Variants in CSTF3 observed in about 807,000 individuals in gnomAD.
The protein encoded by CSTF3 is CF-1 77 kDa subunit.
In CSTF3, 29 loss-of-function variants were observed where a neutral mutation model predicts 105.8. That is an observed-to-expected ratio of 0.27 (90% CI 0.20 to 0.37). The LOEUF (loss-of-function observed/expected upper bound fraction) is 0.37, where lower values mean the gene tolerates loss of function less well. CSTF3 is among the 10% of genes least tolerant of loss of function. The pLI, the probability that CSTF3 is intolerant of heterozygous loss-of-function variation, is 1.00. For missense variants in CSTF3, 357 were observed against 879.3 expected, an observed-to-expected ratio of 0.41 and a Z score of 7.51; for synonymous variants, 252 against 281.9, an observed-to-expected ratio of 0.89 and a Z score of 1.06.
intron 1 of CSTF3, among the ~76,000 whole-genome samples, chr11:33,160,695 A>G (rs1349835425): frequency 1.3e-5 from 2 of 152,234 alleles, no homozygotes; most frequent in South Asian, 2.1e-4. Flanking sequence ...AGTGGCCAAA[A>G]CAGACTTCTC....
At chr11:33,095,835 T>TA (rs1303413390) in intron 15 of CSTF3, among the ~76,000 whole-genome samples, 1 of 150,178 alleles carries the variant, frequency 6.7e-6, no homozygotes, top group Non-Finnish European at 1.5e-5. Flanking sequence ...AATAAATAAA[T>TA]AAATAAATAA....
chr11:33,159,933 A>G (rs1849918194), intron 1 of CSTF3, among the ~76,000 whole-genome samples: 1 of 151,932 alleles, frequency 6.6e-6, no homozygotes, highest in African/African-American at 2.4e-5. Flanking sequence ...TTTTCTATAA[A>G]TTTTCACCAC....
chr11:33,123,881 T>C (rs1855518060), intron 3 of CSTF3, among the ~76,000 whole-genome samples: 1 of 152,056 alleles, frequency 6.6e-6, no homozygotes, highest in South Asian at 2.1e-4. Context: ...TTGAACCTTA[T>C]TTTAATATAT....
At chr11:33,095,794 C>G (rs1038701700) in intron 15 of CSTF3, among the ~76,000 whole-genome samples, 26 of 146,312 alleles carry the variant, frequency 1.8e-4, no homozygotes, top group African/African-American at 4.9e-4. Flanking sequence ...TGCACTCCAG[C>G]CTGGGCGACA....
intron 3 of CSTF3, 24 bp from the exon 4 acceptor site, chr11:33,108,442 G>A (rs1565006929): frequency 1.4e-6 from 2 of 1,433,580 alleles, no homozygotes; most frequent in East Asian, 2.7e-5. Context: ...GAAAAATATA[G>A]AATTAATACT....
rs116840355 is a variant in CSTF3 at position 33,153,384 on chromosome 11, C to A, written c.27+7915G>T. 6.1e-3 allele frequency among the ~76,000 whole-genome samples: 933 copies of A among 152,266 alleles called. 5 individuals are homozygous for A. The highest frequency in any genetic ancestry group is 0.02 in the African/African-American group (829 of 41,552). The stretch of plus-strand genomic sequence containing the variant: ...CTTTATTGAAACTCCTAACCACTTT[C>A]TTTCTATATGAGCTCATAACTTTTA... On this transcript the variant is annotated intron_variant, in intron 1 of 20. Coordinates refer to ENST00000323959, the MANE Select transcript of CSTF3 (RefSeq NM_001326.3).
intron 3 of CSTF3, among the ~76,000 whole-genome samples, chr11:33,140,657 T>C (rs964597248): frequency 1.3e-5 from 2 of 152,078 alleles, no homozygotes; most frequent in African/African-American, 4.8e-5. Flanking sequence ...GCCCTTTGAA[T>C]AGGTCCAAAA....
At chr11:33,112,438 G>T (rs1387497307) in intron 3 of CSTF3, among the ~76,000 whole-genome samples, 2 of 151,998 alleles carry the variant, frequency 1.3e-5, no homozygotes, top group African/African-American at 4.8e-5. Flanking sequence ...AGAATATAAA[G>T]CATCTAGATG....
At chr11:33,150,235 A>AG (rs1441376215) in intron 1 of CSTF3, among the ~76,000 whole-genome samples, 52 of 106,450 alleles carry the variant, frequency 4.9e-4, no homozygotes, top group African/African-American at 1.1e-3. Context: ...AAAAAAAAAA[A>AG]AAAAGAAAAG....
intron 8 of CSTF3, among the ~76,000 whole-genome samples, chr11:33,104,468 T>G (rs1214246725): frequency 6.6e-6 from 1 of 152,202 alleles, no homozygotes; most frequent in African/African-American, 2.4e-5. Flanking sequence ...CTACATTTTT[T>G]GTTTTGGAAA....
rs577462323 is a variant in CSTF3 at position 33,095,452 on chromosome 11, A to G, written c.1375+854T>C. Among the ~76,000 whole-genome samples, 8 of 152,326 alleles carry G rather than the reference A, an allele frequency of 5.3e-5. 1 individual carries two copies. In the South Asian group the frequency reaches 1.7e-3, roughly 32 times the overall value. On this transcript the variant is annotated intron_variant, in intron 15 of 20. Transcript: ENST00000323959. Reference sequence around the variant, plus strand: ...TAGACTAAATGATATACATATATGAATTATCTAGCACAGTGCCTGGTAGGA... The same window carrying G: ...TAGACTAAATGATATACATATATGAGTTATCTAGCACAGTGCCTGGTAGGA...
chr11:33,113,034 C>T (rs1018559897), intron 3 of CSTF3, among the ~76,000 whole-genome samples: 1 of 151,708 alleles, frequency 6.6e-6, no homozygotes, highest in Non-Finnish European at 1.5e-5. Context: ...ATAGTGAAAC[C>T]CCGTCTCTAC....
rs1272763116 is a variant in CSTF3 at position 33,122,942 on chromosome 11, AAAAAG to A, written c.226-14529_226-14525del. Among the ~76,000 whole-genome samples the A allele has an allele frequency of 7.7e-3, 1,160 of 151,430 alleles. 4 individuals are homozygous for A. The highest frequency in any genetic ancestry group is 0.012 in the Non-Finnish European group (825 of 67,802). On this transcript the variant is annotated intron_variant, in intron 3 of 20. Transcript: ENST00000323959. The stretch of plus-strand genomic sequence containing the variant: ...AAAAAAAAAAAAAAAAAAGAAAAGA[AAAAAG>A]AAAAGAAAAGTATGTAAAACAGGTC...
chr11:33,115,146 A>G (rs1855418746), intron 3 of CSTF3, among the ~76,000 whole-genome samples: 1 of 152,198 alleles, frequency 6.6e-6, no homozygotes, highest in Non-Finnish European at 1.5e-5. Flanking sequence ...ACTCTAAAGT[A>G]TAGCACATAG....
intron 3 of CSTF3, among the ~76,000 whole-genome samples, chr11:33,120,521 C>T (rs1452587165): frequency 1.3e-5 from 2 of 151,838 alleles, no homozygotes; most frequent in Non-Finnish European, 3.0e-5. Context: ...TTATGCTTGC[C>T]TTTTAAAATT....
intron 3 of CSTF3, among the ~76,000 whole-genome samples, chr11:33,118,231 C>T (rs1301506914): frequency 3.3e-5 from 5 of 151,570 alleles, no homozygotes; most frequent in Non-Finnish European, 7.4e-5. Context: ...CTTAGCCAGG[C>T]CTATGAGGAT....
At chr11:33,161,179 T>C (rs762122737) in intron 1 of CSTF3, 120 bp downstream of exon 1, 167 of 1,044,182 alleles carry the variant, frequency 1.6e-4, no homozygotes, top group Middle Eastern at 2.3e-4. Context: ...CTCTTCTATA[T>C]ACCCTGTCCC....
intron 3 of CSTF3, 87 bp downstream of exon 3, chr11:33,141,580 C>G: frequency 6.8e-7 from 1 of 1,466,764 alleles, no homozygotes; most frequent in African/African-American, 1.4e-5. Flanking sequence ...CCTCCTTGTC[C>G]TAATTGGCTA....
In CSTF3 at chr11:33,085,221, C is replaced by T. The variant is rs757337076; in HGVS notation, c.2020G>A (p.Val674Met). The T allele has an allele frequency of 1.0e-5, 16 of 1,606,888 alleles. No individual in the cohort carries two copies. Among genetic ancestry groups the T allele is most frequent in the South Asian group, 1.1e-5 (1 of 90,004 alleles). ...PELAVEGNGP[V>M]ESNAVLTKAV... is the part of the protein sequence containing the mutation. ...TTGGTGAGTACTGCATTACTTTCCA[C>T]GGGGCCGTTGCCTTCTACAGCTAGC... is the stretch of plus-strand genomic sequence containing the variant. The change falls in exon 21 of 21, where the codon GTG (valine) becomes ATG (methionine). Residue 674 changes from valine (V) to methionine (M), a missense_variant. Transcript: ENST00000323959.
Sources: allele counts gnomAD v4.1 joint callset (sites outside exome capture counted in the v4.1 genomes callset), GRCh38; gene constraint gnomAD v4.1.1; transcripts MANE v1.5; gene names NCBI Gene and HGNC (gene_info 2026-07-23, HGNC 2026-07-21).